RNF169: variants seen among roughly 807,000 people sequenced by gnomAD.
RNF169 encodes ring finger protein 169, also known as E3 ubiquitin-protein ligase RNF169.
RNF169 carries 24 observed loss-of-function variants against 53.9 expected under a neutral mutation model. The observed-to-expected ratio is 0.45, with a 90% CI of 0.32 to 0.63. The LOEUF (loss-of-function observed/expected upper bound fraction) is 0.63. Among genes scored for constraint, RNF169 ranks in the 20% least tolerant of loss-of-function variants. RNF169 has a pLI of 0.04. For synonymous variants in RNF169, 396 were observed against 363.5 expected (o/e 1.09, Z -1.02); for missense variants, 883 against 906.2 (o/e 0.97, Z 0.33).
chr11:74,775,021 A>G (rs1306450588), intron 1 of RNF169, among the ~76,000 whole-genome samples: 1 of 152,258 alleles, frequency 6.6e-6, no homozygotes, highest in African/African-American at 2.4e-5. Flanking sequence ...TAACATTTAG[A>G]CAATTCTTTG....
At chr11:74,752,896 G>C (rs927575886) in intron 1 of RNF169, among the ~76,000 whole-genome samples, 3 of 152,196 alleles carry the variant, frequency 2.0e-5, no homozygotes, top group East Asian at 3.9e-4. Context: ...GTAAATGCAT[G>C]TGTGCATTTT....
chr11:74,778,072 G>A (rs999161383), intron 1 of RNF169, among the ~76,000 whole-genome samples: 3 of 152,156 alleles, frequency 2.0e-5, no homozygotes, highest in African/African-American at 7.2e-5. Flanking sequence ...CTTAACTGCA[G>A]TGTGTGTTTG....
chr11:74,788,585 G>A (rs1381298443), intron 1 of RNF169, among the ~76,000 whole-genome samples: 1 of 152,000 alleles, frequency 6.6e-6, no homozygotes, highest in Non-Finnish European at 1.5e-5. Context: ...AGTAGAGATG[G>A]GGTTTCACCA....
chr11:74,797,564 C>G (rs578477), intron 2 of RNF169, among the ~76,000 whole-genome samples: 40,074 of 152,168 alleles, frequency 0.26, 5,514 homozygotes, highest in South Asian at 0.42. Context: ...TTGCACATAG[C>G]TCTTCACCAA....
At chr11:74,823,738 G>GAAAAAAAAAAA (rs35164191) in intron 4 of RNF169, among the ~76,000 whole-genome samples, 1 of 105,774 alleles carries the variant, frequency 9.5e-6, no homozygotes, top group Non-Finnish European at 2.0e-5. Context: ...CCCTGTCTCA[G>GAAAAAAAAAAA]AAAAAAAAAA....
intron 1 of RNF169, among the ~76,000 whole-genome samples, chr11:74,771,021 GGT>G (rs1441948974): frequency 6.6e-6 from 1 of 151,990 alleles, no homozygotes; most frequent in Non-Finnish European, 1.5e-5. Flanking sequence ...TGGCCAGGCT[GGT>G]CCCGAACTCT....
Position 74,836,657 on chromosome 11 carries a change from G to C in RNF169, c.2054G>C (p.Arg685Pro), listed in dbSNP as rs376048273. ...CAGCGCATGTTCGACAATGAGAGGC[G>C]GACTGTGAGCCGGCGAAAAGGAAGT... Reference protein sequence around the residue: ...QLQRMFDNERRTVSRRKGSVD... With the variant: ...QLQRMFDNERPTVSRRKGSVD... Residue 685 changes from arginine (R) to proline (P), a missense_variant, in exon 6 of 6, where the codon CGG becomes CCG. By Grantham distance (103) the Arg-to-Pro change is moderately radical. Coordinates refer to ENST00000299563, the MANE Select transcript of RNF169 (RefSeq NM_001098638.2). 6.2e-7 allele frequency: 1 copy of C among 1,613,870 alleles called. No homozygotes were observed. The highest frequency in any genetic ancestry group is 1.3e-5 in the African/African-American group (1 of 75,030).
chr11:74,781,743 T>C (rs968418876), intron 1 of RNF169, among the ~76,000 whole-genome samples: 1 of 152,232 alleles, frequency 6.6e-6, no homozygotes, highest in Non-Finnish European at 1.5e-5. Context: ...CATACATATA[T>C]ATAAGGCATA....
chr11:74,833,763 C>T (rs1409523106), intron 4 of RNF169, among the ~76,000 whole-genome samples: 2 of 152,062 alleles, frequency 1.3e-5, no homozygotes, highest in East Asian at 1.9e-4. Context: ...GAAACAAAGG[C>T]GAGTGAGAAA....
At chr11:74,816,845 A>G (rs2035947125) in intron 3 of RNF169, among the ~76,000 whole-genome samples, 1 of 152,228 alleles carries the variant, frequency 6.6e-6, no homozygotes, top group African/African-American at 2.4e-5. Flanking sequence ...AGGTTGTAGT[A>G]TCAGGCTGAG....
chr11:74,821,930 G>A (rs1263894882), intron 4 of RNF169, among the ~76,000 whole-genome samples: 1 of 152,158 alleles, frequency 6.6e-6, no homozygotes, highest in African/African-American at 2.4e-5. Context: ...ATAACCCAGA[G>A]TGTAACAAAA....
rs35173529 is a variant in RNF169 at position 74,750,865 on chromosome 11, G to GTTT, written c.502+1507_502+1509dup. Among the ~76,000 whole-genome samples, 124 of 60,142 alleles carry GTTT rather than the reference G, an allele frequency of 2.1e-3. 19 individuals carry two copies. Among genetic ancestry groups the GTTT allele is most frequent in the African/African-American group, 3.9e-3 (56 of 14,486 alleles). The allele number at this position is 60,142 out of a possible 152,430, so 39.5% of individuals were successfully genotyped here. ...GATCCGCCCGCCTTGGCCTCCCAAGGTTTTTTTTTTTTTTTTTTTTTTTTT... is the reference window on the plus strand; with the variant it reads ...GATCCGCCCGCCTTGGCCTCCCAAGGTTTTTTTTTTTTTTTTTTTTTTTTTTTT... On this transcript the variant is annotated intron_variant, in intron 1 of 5. Coordinates refer to ENST00000299563, the MANE Select transcript of RNF169 (RefSeq NM_001098638.2).
At chr11:74,776,449 G>A (rs1165576658) in intron 1 of RNF169, among the ~76,000 whole-genome samples, 5 of 129,536 alleles carry the variant, frequency 3.9e-5, no homozygotes, top group South Asian at 2.4e-4. Context: ...TTCAGAAAAC[G>A]AATTCTTTAA....
At chr11:74,809,747 T>A (rs1459129119) in intron 2 of RNF169, among the ~76,000 whole-genome samples, 1 of 152,228 alleles carries the variant, frequency 6.6e-6, no homozygotes, top group Non-Finnish European at 1.5e-5. Context: ...TGTAGGACAT[T>A]AGAACTGCGT....
chr11:74,831,472 C>G (rs138767099), intron 4 of RNF169: 2 of 152,024 alleles, frequency 1.3e-5, no homozygotes, highest in Non-Finnish European at 2.9e-5. Flanking sequence ...AACTACAAAA[C>G]GTTGCTGAAA....
chr11:74,806,592 A>G (rs569520915), intron 2 of RNF169, among the ~76,000 whole-genome samples: 1 of 152,354 alleles, frequency 6.6e-6, no homozygotes, highest in Admixed American at 6.5e-5. Flanking sequence ...TTTTATTGTC[A>G]AACAACAGAA....
chr11:74,770,623 C>A (rs1429073023), intron 1 of RNF169, among the ~76,000 whole-genome samples: 1 of 152,068 alleles, frequency 6.6e-6, no homozygotes, highest in Admixed American at 6.6e-5. Context: ...TCCTGTGTTA[C>A]ACAGTACTTG....
chr11:74,789,432 G>T (rs935793216), intron 1 of RNF169, among the ~76,000 whole-genome samples, 194 bp from the exon 2 acceptor site: 5 of 152,090 alleles, frequency 3.3e-5, no homozygotes, highest in African/African-American at 1.2e-4. Flanking sequence ...TACATTGAGG[G>T]TATAAAGAAG....
chr11:74,749,357 G>T lies in RNF169; in HGVS notation c.477G>T (p.Glu159Asp). The change falls in exon 1 of 6, where the codon GAG (glutamate) becomes GAT (aspartate). Residue 159 changes from glutamate to aspartate, a missense_variant. By Grantham distance (45) the Glu-to-Asp change is conservative. Transcript: ENST00000299563. ...AAAAGPRPEQ[E>D]PRAAPAEPDF... is the part of the protein sequence containing the mutation. Reference sequence around the variant, plus strand: ...CCGCGGGGCCCAGGCCAGAGCAGGAGCCGCGTGCCGCGCCTGCGGAGCCAG... The same window carrying T: ...CCGCGGGGCCCAGGCCAGAGCAGGATCCGCGTGCCGCGCCTGCGGAGCCAG... The T allele has an allele frequency of 8.1e-7, 1 of 1,234,668 alleles. No individual in the cohort carries two copies. Among genetic ancestry groups the T allele is most frequent in the Non-Finnish European group, 1.0e-6 (1 of 986,714 alleles). 76.5% of individuals were successfully genotyped at this position (1,234,668 alleles called of 1,614,324 possible). A position where few individuals can be genotyped will look rare whatever the true frequency, so the allele number is the denominator to read the frequency against.
Sources: allele counts gnomAD v4.1 joint callset (sites outside exome capture counted in the v4.1 genomes callset), GRCh38; gene constraint gnomAD v4.1.1; transcripts MANE v1.5; gene names NCBI Gene and HGNC (gene_info 2026-07-23, HGNC 2026-07-21).